Variants in ANKRD17 observed in about 807,000 individuals in gnomAD.
ANKRD17 encodes ankyrin repeat domain 17, also known as ankyrin repeat domain-containing protein 17.
Under a neutral mutation model 229.7 loss-of-function variants are expected in ANKRD17, and 19 were observed. That is an observed-to-expected ratio of 0.08 (90% CI 0.06 to 0.12). The LOEUF is 0.12. Among genes scored for constraint, ANKRD17 ranks in the 10% least tolerant of loss-of-function variants. The pLI is 1.00. For synonymous variants in ANKRD17, 1,112 were observed against 1,146.1 expected (o/e 0.97, Z 0.60); for missense variants, 2,176 against 3,176.8 (o/e 0.68, Z 7.57).
chr4:73,248,904 G>C (rs573403468), intron 1 of ANKRD17, among the ~76,000 whole-genome samples: 1 of 151,966 alleles, frequency 6.6e-6, no homozygotes, highest in South Asian at 2.1e-4. Flanking sequence ...TAGAGGCTTT[G>C]AAACAAGACT....
At chr4:73,205,256 T>G (rs1166933955) in intron 1 of ANKRD17, among the ~76,000 whole-genome samples, 2 of 152,084 alleles carry the variant, frequency 1.3e-5, no homozygotes, top group African/African-American at 4.8e-5. Flanking sequence ...GTGCCCAGGC[T>G]ACAGTGAGCC....
At chr4:73,232,438 T>C (rs892242600) in intron 1 of ANKRD17, among the ~76,000 whole-genome samples, 2 of 152,148 alleles carry the variant, frequency 1.3e-5, no homozygotes, top group Non-Finnish European at 2.9e-5. Context: ...TTTTTCACAA[T>C]AAACATTTGT....
intron 1 of ANKRD17, among the ~76,000 whole-genome samples, chr4:73,201,126 A>G (rs1486772995): frequency 1.3e-5 from 2 of 152,118 alleles, no homozygotes; most frequent in African/African-American, 4.8e-5. Context: ...AAAGACATAA[A>G]AAGTCACAAA....
intron 16 of ANKRD17, among the ~76,000 whole-genome samples, chr4:73,128,690 A>C (rs1287765917): frequency 6.6e-6 from 1 of 152,226 alleles, no homozygotes; most frequent in Non-Finnish European, 1.5e-5. Flanking sequence ...CTAGGAGACA[A>C]GCATAATAAT....
rs1459788484 is a variant in ANKRD17 at position 73,258,766 on chromosome 4, G to A, written c.-98C>T. 1 of 1,348,852 alleles carries A rather than the reference G, an allele frequency of 7.4e-7. No individual in the cohort carries two copies. Among genetic ancestry groups the A allele is most frequent in the East Asian group, 3.2e-5 (1 of 31,524 alleles). The allele number at this position is 1,348,852 out of a possible 1,614,324, so 83.6% of individuals were successfully genotyped here. A position where few individuals can be genotyped will look rare whatever the true frequency, so the allele number is the denominator to read the frequency against. ...TGGGGCCGACACAGCAATCGGTGCC[G>A]CCTCCGCCGCCACCGCCTCGGTCAC... is the stretch of plus-strand genomic sequence containing the variant. On this transcript the variant is annotated 5_prime_UTR_variant, in exon 1 of 34. Coordinates refer to ENST00000358602, the MANE Select transcript of ANKRD17 (RefSeq NM_032217.5).
intron 1 of ANKRD17, among the ~76,000 whole-genome samples, chr4:73,234,503 T>C (rs781352041): frequency 6.6e-6 from 1 of 152,210 alleles, no homozygotes; most frequent in Non-Finnish European, 1.5e-5. Context: ...CTTTAGAGTA[T>C]ATAGAGTGTA....
chr4:73,257,414 G>A (rs1745547527), intron 1 of ANKRD17, among the ~76,000 whole-genome samples: 1 of 152,158 alleles, frequency 6.6e-6, no homozygotes, highest in African/African-American at 2.4e-5. Context: ...CAAACCGAGA[G>A]GCCTTCCTAT....
Position 73,258,696 on chromosome 4 carries a change from G to A in ANKRD17, c.-28C>T, listed in dbSNP as rs774221083. On this transcript the variant is annotated 5_prime_UTR_variant, in exon 1 of 34. Transcript: ENST00000358602. Reference sequence around the variant, plus strand: ...CCAGGGAAAGAGGGAGGGCGCGGACGGGGGAGGGGCGTGGGGCTACGCTCT... The same window carrying A: ...CCAGGGAAAGAGGGAGGGCGCGGACAGGGGAGGGGCGTGGGGCTACGCTCT... The A allele has an allele frequency of 2.7e-5, 39 of 1,435,096 alleles. No homozygotes were observed. Among genetic ancestry groups the A allele is most frequent in the South Asian group, 1.3e-4 (9 of 69,390 alleles). The allele number at this position is 1,435,096 out of a possible 1,614,324, so 88.9% of individuals were successfully genotyped here.
intron 1 of ANKRD17, among the ~76,000 whole-genome samples, chr4:73,252,999 T>C (rs577863437): frequency 6.6e-5 from 10 of 152,260 alleles, no homozygotes; most frequent in African/African-American, 2.2e-4. Flanking sequence ...ATCTGAAATA[T>C]GGTACTCAAC....
intron 1 of ANKRD17, among the ~76,000 whole-genome samples, chr4:73,215,265 A>T (rs967480837): frequency 6.1e-5 from 9 of 147,556 alleles, no homozygotes; most frequent in African/African-American, 2.0e-4. Flanking sequence ...AGAAAATGTG[A>T]TTTTTTTTTT....
chr4:73,176,731 A>G (rs1373999513), intron 2 of ANKRD17, among the ~76,000 whole-genome samples: 1 of 152,212 alleles, frequency 6.6e-6, no homozygotes, highest in East Asian at 1.9e-4. Context: ...GTTGTTTGTA[A>G]CACAAGGGAT....
rs1454831423 is a variant in ANKRD17, at chr4:73,146,866, G to A, written c.1767C>T (p.Asn589=). ...LVKYLLAAGA[N]VHATTATGDT... ...CCCCTGTTGCTGTTGTTGCATGAACGTTAGCTCCTGTAGTAGTCAACAAAT... is the reference window on the plus strand; with the variant it reads ...CCCCTGTTGCTGTTGTTGCATGAACATTAGCTCCTGTAGTAGTCAACAAAT... The change falls in exon 10 of 34, where the codon AAC becomes AAT. Residue 589 remains asparagine (N), a synonymous_variant. Transcript: ENST00000358602. The A allele has an allele frequency of 6.8e-6, 11 of 1,610,342 alleles. No individual in the cohort carries two copies. Among genetic ancestry groups the A allele is most frequent in the African/African-American group, 2.7e-5 (2 of 74,794 alleles).
chr4:73,148,721 C>T, intron 8 of ANKRD17, 92 bp downstream of exon 8: 1 of 1,163,694 alleles, frequency 8.6e-7, no homozygotes, highest in South Asian at 1.4e-5. Flanking sequence ...TGCAACTCTA[C>T]TAGAAAGGTG....
In ANKRD17 at chr4:73,250,473, C is replaced by T. The variant is rs145229042; in HGVS notation, c.393+7803G>A. On this transcript the variant is annotated intron_variant, in intron 1 of 33. Transcript: ENST00000358602. ...AAACAATTAGCCAGGCGCAGTGGCT[C>T]ACGCTGCAACTCCAGATACTCAGGA... Among the ~76,000 whole-genome samples, 965 of 150,838 alleles carry T rather than the reference C, an allele frequency of 6.4e-3. 10 individuals carry two copies. The highest frequency in any genetic ancestry group is 0.023 in the African/African-American group (923 of 41,022).
At position 73,091,066 on chromosome 4, in the gene ANKRD17, G is replaced by C; in HGVS notation, c.6562C>G (p.Pro2188Ala). The C allele has an allele frequency of 1.2e-6, 2 of 1,614,204 alleles. No individual in the cohort carries two copies. Among genetic ancestry groups the C allele is most frequent in the Non-Finnish European group, 8.5e-7 (1 of 1,180,046 alleles). The change falls in exon 29 of 34, where the codon CCT becomes GCT. Residue 2188 changes from proline (P) to alanine (A), a missense_variant. Transcript: ENST00000358602. ...IRPPPHGTTAPHKNSASVQNS... is the reference protein window; with the variant it reads ...IRPPPHGTTAAHKNSASVQNS... ...TGCACTGAAGCTGAATTCTTGTGAG[G>C]GGCAGTTGTGCCATGAGGGGGTGGT...
At chr4:73,176,713 AT>A (rs1359060794) in intron 2 of ANKRD17, among the ~76,000 whole-genome samples, 1 of 152,202 alleles carries the variant, frequency 6.6e-6, no homozygotes, top group Non-Finnish European at 1.5e-5. Flanking sequence ...CTAAAAAAGT[AT>A]AACTGGGTTG....
intron 2 of ANKRD17, among the ~76,000 whole-genome samples, chr4:73,172,039 C>T (rs575957795): frequency 6.6e-6 from 1 of 152,142 alleles, no homozygotes; most frequent in South Asian, 2.1e-4. Flanking sequence ...CTTCCCAAAC[C>T]TAGAGAAAGA....
chr4:73,094,059 T>G lies in ANKRD17; in HGVS notation c.5327+20A>C. The stretch of plus-strand genomic sequence containing the variant: ...AGTGCAATAAAATAAAGGAAGAAAA[T>G]GTAAGAGACAAAGTTTTGCCTTATA... On this transcript the variant is annotated intron_variant, in intron 28 of 33. Transcript: ENST00000358602. 1.2e-6 allele frequency: 2 copies of G among 1,610,250 alleles called. No homozygotes were observed. Among genetic ancestry groups the G allele is most frequent in the East Asian group, 2.2e-5 (1 of 44,718 alleles).
At chr4:73,148,573 T>C (rs1317681480) in intron 8 of ANKRD17, among the ~76,000 whole-genome samples, 2 of 152,152 alleles carry the variant, frequency 1.3e-5, no homozygotes, top group African/African-American at 4.8e-5. Context: ...CCAACACCAG[T>C]TCTGTTTTTC....
Sources: gnomAD v4.1 joint callset for allele counts (sites outside exome capture counted in the v4.1 genomes callset) on GRCh38, gnomAD v4.1.1 for gene constraint, MANE v1.5 for transcripts, NCBI Gene and HGNC (gene_info 2026-07-23, HGNC 2026-07-21) for gene names.